OR3A2: variants seen among roughly 807,000 people sequenced by gnomAD.
OR3A2 encodes the protein olfactory receptor 3A2.
For missense variants in OR3A2, 318 were observed against 392.8 expected (o/e 0.81, Z 1.61); for synonymous variants, 126 against 159.3 (o/e 0.79, Z 1.57).
intron 3 of OR3A2, among the ~76,000 whole-genome samples, chr17:3,301,865 G>A (rs1336335706): frequency 6.6e-6 from 1 of 152,092 alleles, no homozygotes; most frequent in African/African-American, 2.4e-5. Flanking sequence ...ATTAATTTTT[G>A]TATAAGGTGT....
chr17:3,342,320 C>T (rs1036796853), intron 2 of OR3A2, among the ~76,000 whole-genome samples: 1 of 152,212 alleles, frequency 6.6e-6, no homozygotes, highest in Non-Finnish European at 1.5e-5. Flanking sequence ...TGGCGAGGAG[C>T]TGCAATCCTT....
intron 3 of OR3A2, among the ~76,000 whole-genome samples, chr17:3,308,715 A>C (rs1261299667): frequency 6.6e-6 from 1 of 152,130 alleles, no homozygotes; most frequent in Non-Finnish European, 1.5e-5. Flanking sequence ...CCATACTATT[A>C]GATGGTAATT....
intron 3 of OR3A2, among the ~76,000 whole-genome samples, chr17:3,323,112 T>C (rs1321486442): frequency 1.3e-5 from 2 of 152,178 alleles, no homozygotes; most frequent in African/African-American, 4.8e-5. Context: ...TTGATCCCTT[T>C]ACCGTTAAGT....
chr17:3,277,269 A>G (rs569435480), exon 2 of OR3A2: 22 of 152,338 alleles, frequency 1.4e-4, no homozygotes, highest in African/African-American at 5.1e-4. Flanking sequence ...AGAGAAGAAA[A>G]TGAAGGTGAA....
At chr17:3,370,798 G>A (rs2150663971) in intron 2 of OR3A2, among the ~76,000 whole-genome samples, 1 of 151,290 alleles carries the variant, frequency 6.6e-6, no homozygotes, top group East Asian at 1.9e-4. Context: ...TGTGTCCCTG[G>A]GTACTTGAGA....
chr17:3,318,098 A>G (rs2049092126), intron 3 of OR3A2, among the ~76,000 whole-genome samples: 1 of 152,212 alleles, frequency 6.6e-6, no homozygotes, highest in South Asian at 2.1e-4. Context: ...CTTCAAAGAA[A>G]GGTTCCCACA....
At chr17:3,320,850 T>C (rs1567553671) in intron 3 of OR3A2, among the ~76,000 whole-genome samples, 1 of 152,064 alleles carries the variant, frequency 6.6e-6, no homozygotes, top group East Asian at 1.9e-4. Context: ...TAGGATTGAC[T>C]TGGCGGTGCG....
At chr17:3,368,192 T>C (rs2150662742) in intron 2 of OR3A2, among the ~76,000 whole-genome samples, 1 of 152,358 alleles carries the variant, frequency 6.6e-6, no homozygotes, top group East Asian at 1.9e-4. Context: ...GTTATCTGTT[T>C]ACTCTGCTGA....
intron 3 of OR3A2, among the ~76,000 whole-genome samples, chr17:3,323,310 C>G (rs1410410630): frequency 6.6e-6 from 1 of 152,074 alleles, no homozygotes; most frequent in Non-Finnish European, 1.5e-5. Flanking sequence ...ACTCTTTATC[C>G]AATTTGCCAG....
rs1266194215 is a variant in OR3A2 at position 3,349,675 on chromosome 17, AGC to A, written c.-178-13551_-178-13550del. On this transcript the variant is annotated intron_variant, in intron 2 of 4. Coordinates refer to the OR3A2 transcript ENST00000573491. Reference sequence around the variant, plus strand: ...AGGAATTGAACTCAGCTCTGCACCAAGCAGACCTAATAGACATCTACAGAACT... The same window carrying A: ...AGGAATTGAACTCAGCTCTGCACCAAAGACCTAATAGACATCTACAGAACT... 2.7e-3 allele frequency among the ~76,000 whole-genome samples: 413 copies of A among 151,702 alleles called. 2 individuals carry two copies. The highest frequency in any genetic ancestry group is 9.5e-3 in the African/African-American group (393 of 41,300).
chr17:3,339,311 T>C (rs2049296425), intron 2 of OR3A2, among the ~76,000 whole-genome samples: 1 of 152,208 alleles, frequency 6.6e-6, no homozygotes, highest in Non-Finnish European at 1.5e-5. Flanking sequence ...CTATGTTCAA[T>C]AGGAGTGGTG....
At chr17:3,291,407 G>A (rs549842741) in intron 3 of OR3A2, 21 of 436,004 alleles carry the variant, frequency 4.8e-5, no homozygotes, top group Non-Finnish European at 8.1e-5. Flanking sequence ...AGAACACGGT[G>A]CCTGAAGCTG....
chr17:3,333,738 G>GA (rs1452810745), intron 3 of OR3A2, among the ~76,000 whole-genome samples: 1 of 151,934 alleles, frequency 6.6e-6, no homozygotes, highest in African/African-American at 2.4e-5. Flanking sequence ...TGCAACAAAA[G>GA]AAAAAATTGA....
At chr17:3,347,242 T>C (rs1230613034) in intron 2 of OR3A2, among the ~76,000 whole-genome samples, 2 of 28,006 alleles carry the variant, frequency 7.1e-5, no homozygotes, top group Non-Finnish European at 5.7e-5. Flanking sequence ...ATGTCTTCTT[T>C]TTTTTTTTAT....
At chr17:3,342,639 C>T (rs2049328902) in intron 2 of OR3A2, among the ~76,000 whole-genome samples, 1 of 152,180 alleles carries the variant, frequency 6.6e-6, no homozygotes. Context: ...GCTGCCCGAT[C>T]CTTCCTCTGG....
chr17:3,347,879 T>C (rs2049381401), intron 2 of OR3A2, among the ~76,000 whole-genome samples: 1 of 152,218 alleles, frequency 6.6e-6, no homozygotes, highest in Non-Finnish European at 1.5e-5. Flanking sequence ...AAAGTGTTCC[T>C]ATTTCTCCAC....
chr17:3,319,734 C>A (rs751271728), intron 3 of OR3A2, among the ~76,000 whole-genome samples: 2 of 152,184 alleles, frequency 1.3e-5, no homozygotes, highest in Non-Finnish European at 2.9e-5. Flanking sequence ...CATAGTATTT[C>A]ATGGTGTATA....
intron 3 of OR3A2, among the ~76,000 whole-genome samples, chr17:3,304,485 T>C (rs2048987255): frequency 6.6e-6 from 1 of 152,230 alleles, no homozygotes. Flanking sequence ...ACTGTATTTC[T>C]CACACTGCTC....
chr17:3,340,004 G>A (rs916869482), intron 2 of OR3A2, among the ~76,000 whole-genome samples: 4 of 152,084 alleles, frequency 2.6e-5, no homozygotes, highest in Admixed American at 1.3e-4. Context: ...GTCTTGGGAA[G>A]GTGTATGTGT....
Sources: allele counts gnomAD v4.1 joint callset (sites outside exome capture counted in the v4.1 genomes callset), GRCh38; gene constraint gnomAD v4.1.1; transcripts MANE v1.5; gene names NCBI Gene and HGNC (gene_info 2026-07-23, HGNC 2026-07-21).